The following IRX2 variants were observed in gnomAD, a reference collection of about 807,000 sequenced individuals.
IRX2 encodes the protein iroquois-class homeodomain protein IRX-2.
In IRX2, 26 loss-of-function variants were observed where a neutral mutation model predicts 42.9. The ratio of observed to expected loss-of-function variants is 0.61; its 90% CI spans 0.44 to 0.84. IRX2 has a LOEUF of 0.84. IRX2 is among the 40% of genes least tolerant of loss of function. IRX2 has a pLI of 0.00. For synonymous variants in IRX2, 424 were observed against 353.9 expected (o/e 1.20, Z -2.22); for missense variants, 782 against 713.9 (o/e 1.10, Z -1.09).
Position 2,748,569 on chromosome 5 carries a change from C to A in IRX2, c.1139G>T (p.Arg380Leu). ...GAAGGGCGACGTGTAGTAGAGGGGG[C>A]GGCCCAGCAGCGGCGAGGCAGGGTA... ...SPYPASPLLG[R>L]PLYYTSPFYG... The change falls in exon 3 of 4, where the codon CGC becomes CTC. Residue 380 changes from arginine to leucine, a missense_variant. Coordinates refer to ENST00000302057, the MANE Select transcript of IRX2 (RefSeq NM_033267.5). 1 of 1,565,894 alleles carries A rather than the reference C, an allele frequency of 6.4e-7. No homozygotes were observed.
the IRX2 span, chr5:2,737,092 A>G: frequency 0.64 from 97,833 of 152,070 alleles, 31,842 homozygotes; most frequent in South Asian, 0.75. Context: ...CAGCCATGCC[A>G]GAACCAGCCT....
downstream of IRX2, chr5:2,745,851 GTCAGA>G (rs1438245861): frequency 6.6e-6 from 1 of 152,098 alleles, no homozygotes; most frequent in African/African-American, 2.4e-5. Flanking sequence ...TGCATAGGGT[GTCAGA>G]TCATTTTATT....
At position 2,748,588 on chromosome 5, in the gene IRX2, C is replaced by G. The variant is rs1463378304; in HGVS notation, c.1120G>C (p.Ala374Pro). 1 of 1,550,914 alleles carries G rather than the reference C, an allele frequency of 6.4e-7. No individual in the cohort carries two copies. Among genetic ancestry groups the G allele is most frequent in the Admixed American group, 2.0e-5 (1 of 51,164 alleles). The change falls in exon 3 of 4, where the codon GCC becomes CCC. Residue 374 changes from alanine to proline, a missense_variant. Coordinates refer to ENST00000302057, the MANE Select transcript of IRX2 (RefSeq NM_033267.5). Reference protein sequence around the residue: ...GAPPGGSPYPASPLLGRPLYY... With the variant: ...GAPPGGSPYPPSPLLGRPLYY... The stretch of plus-strand genomic sequence containing the variant: ...AGGGGGCGGCCCAGCAGCGGCGAGG[C>G]AGGGTAGGGCGAGCCTCCTGGCGGT...
the IRX2 span, among the ~76,000 whole-genome samples, chr5:2,740,152 G>A: frequency 6.6e-6 from 1 of 151,948 alleles, no homozygotes; most frequent in Admixed American, 6.5e-5. Context: ...AGGCGGCCGG[G>A]TCTGGGGCCG....
At chr5:2,743,399 G>A (rs1737585585), downstream of IRX2, among the ~76,000 whole-genome samples, 2 of 152,196 alleles carry the variant, frequency 1.3e-5, no homozygotes, top group Non-Finnish European at 1.5e-5. Context: ...CAAGCGCCCC[G>A]GTGCTCTCGG....
Position 2,748,343 on chromosome 5 carries a change from A to G in IRX2, c.1363+2T>C. 2 of 1,420,066 alleles carry G rather than the reference A, an allele frequency of 1.4e-6. No individual in the cohort carries two copies. The highest frequency in any genetic ancestry group is 1.5e-5 in the African/African-American group (1 of 65,900). 88.0% of individuals were successfully genotyped at this position (1,420,066 alleles called of 1,614,324 possible). A position where few individuals can be genotyped will look rare whatever the true frequency, so the allele number is the denominator to read the frequency against. ...GGGCGCCGCCGGCCGCGGGCCGCCT[A>G]CCTTTCTTGGGCTCGTAGCCGCCGC... On this transcript the variant is annotated splice_donor_variant, in intron 3 of 3. Coordinates refer to ENST00000302057, the MANE Select transcript of IRX2 (RefSeq NM_033267.5). LOFTEE classifies it high-confidence loss of function.
chr5:2,749,604 C>T lies in IRX2; in HGVS notation c.433G>A (p.Gly145Ser), dbSNP rs984123628. ...EHRKNPYPTKGEKIMLAIITK... is the reference protein window; with the variant it reads ...EHRKNPYPTKSEKIMLAIITK... ...ATGATGGCTAGCATGATCTTCTCGC[C>T]CTTGGTGGGGTAGGGGTTCTTGCGG... is the stretch of plus-strand genomic sequence containing the variant. The change falls in exon 2 of 4, where the codon GGC becomes AGC. Residue 145 changes from glycine to serine, a missense_variant. By Grantham distance (56) the Gly-to-Ser change is moderately conservative. Coordinates refer to ENST00000302057, the MANE Select transcript of IRX2 (RefSeq NM_033267.5). 8.1e-6 allele frequency: 13 copies of T among 1,614,104 alleles called. No homozygotes were observed. The highest frequency in any genetic ancestry group is 1.3e-5 in the African/African-American group (1 of 74,930).
downstream of IRX2, among the ~76,000 whole-genome samples, chr5:2,742,293 G>A (rs1737560779): frequency 6.6e-6 from 1 of 152,168 alleles, no homozygotes; most frequent in Non-Finnish European, 1.5e-5. Context: ...CAAAGGGGAG[G>A]GCTAGTGAGT....
chr5:2,747,646 C>T lies in IRX2; in HGVS notation c.1364-30G>A, dbSNP rs372580759. On this transcript the variant is annotated intron_variant, in intron 3 of 3. Transcript: ENST00000302057. ...CAGGGGAGTGGGCAGTTAGTCAGAACCGACCCCACAGCCTGCTGGCTGCGC... is the reference window on the plus strand; with the variant it reads ...CAGGGGAGTGGGCAGTTAGTCAGAATCGACCCCACAGCCTGCTGGCTGCGC... 200 of 1,611,444 alleles carry T rather than the reference C, an allele frequency of 1.2e-4. 1 individual carries two copies. In the African/African-American group the frequency reaches 2.3e-3, roughly 18 times the overall value.
chr5:2,739,728 T>C, the IRX2 span, among the ~76,000 whole-genome samples: 1 of 152,092 alleles, frequency 6.6e-6, no homozygotes, highest in Non-Finnish European at 1.5e-5. Flanking sequence ...GCGCGCGCGG[T>C]TCCCAGAGTC....
the IRX2 span, among the ~76,000 whole-genome samples, chr5:2,736,282 C>T: frequency 8.5e-5 from 13 of 152,228 alleles, no homozygotes; most frequent in Non-Finnish European, 1.9e-4. Context: ...CCTGAGTTCA[C>T]ACCTGGGATC....
Position 2,748,464 on chromosome 5 carries a change from G to C in IRX2, c.1244C>G (p.Ala415Gly). The C allele has an allele frequency of 6.4e-7, 1 of 1,571,392 alleles. No individual in the cohort carries two copies. The change falls in exon 3 of 4, where the codon GCG becomes GGG. Residue 415 changes from alanine (A) to glycine (G), a missense_variant. Coordinates refer to ENST00000302057, the MANE Select transcript of IRX2 (RefSeq NM_033267.5). ...QGLLRYNSAAAAPGEALHTAP... is the reference protein window; with the variant it reads ...QGLLRYNSAAGAPGEALHTAP... ...GGTGTGCAGGGCCTCGCCGGGGGCCGCGGCCGCAGAGTTGTACCGCAGGAG... is the reference window on the plus strand; with the variant it reads ...GGTGTGCAGGGCCTCGCCGGGGGCCCCGGCCGCAGAGTTGTACCGCAGGAG...
chr5:2,739,066 C>G, the IRX2 span, among the ~76,000 whole-genome samples: 1 of 152,346 alleles, frequency 6.6e-6, no homozygotes, highest in Non-Finnish European at 1.5e-5. Flanking sequence ...CCAGGCAGCC[C>G]TCCAGCGGGT....
intron 3 of IRX2, among the ~76,000 whole-genome samples, chr5:2,747,872 G>T (rs976052245): frequency 6.6e-6 from 1 of 152,128 alleles, no homozygotes; most frequent in Non-Finnish European, 1.5e-5. Flanking sequence ...TTTTCTTTCC[G>T]AACAACGACA....
At chr5:2,748,295 G>A (rs1454203398) in intron 3 of IRX2, 50 bp downstream of exon 3, 2 of 1,358,662 alleles carry the variant, frequency 1.5e-6, no homozygotes, top group African/African-American at 1.5e-5. Context: ...CGCCTCCCCG[G>A]GGCTGGCTCT....
intron 1 of IRX2, among the ~76,000 whole-genome samples, chr5:2,750,925 GAC>G (rs961016962): frequency 2.6e-5 from 4 of 151,988 alleles, no homozygotes; most frequent in African/African-American, 9.7e-5. Context: ...GAGCCGAGGG[GAC>G]GCGCGGGGGG....
the IRX2 span, among the ~76,000 whole-genome samples, chr5:2,736,351 C>G: frequency 0.017 from 2,601 of 152,296 alleles, 77 homozygotes; most frequent in African/African-American, 0.06. Context: ...TCTGAGACCT[C>G]TTTCATCTCA....
intron 1 of IRX2, among the ~76,000 whole-genome samples, chr5:2,750,932 G>A (rs1279075521): frequency 3.3e-5 from 5 of 151,960 alleles, no homozygotes; most frequent in Non-Finnish European, 5.9e-5. Context: ...GGGGACGCGC[G>A]GGGGGCGCGC....
rs551069961 is a variant in IRX2, at chr5:2,747,306, C to T, written c.*258G>A. ...TATATATTACACACACACACACACA[C>T]ATATATATATATATTTTTTTTTTCC... On this transcript the variant is annotated 3_prime_UTR_variant, in exon 4 of 4. Transcript: ENST00000302057. 2,679 of 217,030 alleles carry T rather than the reference C, an allele frequency of 0.012. 50 individuals carry two copies. Among genetic ancestry groups the T allele is most frequent in the African/African-American group, 0.059 (2,125 of 35,724 alleles). 13.4% of individuals were successfully genotyped at this position (217,030 alleles called of 1,614,324 possible).
Sources: gnomAD v4.1 joint callset for allele counts (sites outside exome capture counted in the v4.1 genomes callset) on GRCh38, gnomAD v4.1.1 for gene constraint, MANE v1.5 for transcripts, NCBI Gene and HGNC (gene_info 2026-07-23, HGNC 2026-07-21) for gene names.